Variants in GRAP observed in about 807,000 individuals in gnomAD.
The protein encoded by GRAP is GRB2-related adapter protein.
GRAP carries 2 observed loss-of-function variants against 9.1 expected under a neutral mutation model. The observed-to-expected ratio is 0.22, with a 90% CI of 0.09 to 0.69. The LOEUF is 0.69. Ranked by LOEUF, GRAP falls within the 30% of genes least tolerant of loss-of-function variation. GRAP has a pLI of 0.81. For missense variants in GRAP, 113 were observed against 179.4 expected (o/e 0.63, Z 2.12); for synonymous variants, 68 against 73.6 (o/e 0.92, Z 0.39).
intron 3 of GRAP, chr17:19,030,291 G>A: frequency 2.5e-6 from 1 of 401,796 alleles, no homozygotes; most frequent in Non-Finnish European, 4.6e-6. Context: ...AGCCCAGAGA[G>A]GAAAAACAAG....
Position 19,021,954 on chromosome 17 carries a change from G to A in GRAP, c.*5C>T. 1 of 1,519,754 alleles carries A rather than the reference G, an allele frequency of 6.6e-7. No homozygotes were observed. Among genetic ancestry groups the A allele is most frequent in the Non-Finnish European group, 8.8e-7 (1 of 1,135,082 alleles). The allele number at this position is 1,519,754 out of a possible 1,614,324, so 94.1% of individuals were successfully genotyped here. ...GCCCGTTGGCCAGATCGGCCGCCGG[G>A]CTGCTCACAGGTGCACGGGCTGCAC... On this transcript the variant is annotated 3_prime_UTR_variant, in exon 5 of 5. Transcript: ENST00000284154. This position sits in a 1 kb window ranked among gnomAD's most constrained non-coding sequence, Gnocchi z 4.1.
chr17:19,021,876 T>C lies in GRAP; in HGVS notation c.*83A>G, dbSNP rs530187066. 91 of 1,362,432 alleles carry C rather than the reference T, an allele frequency of 6.7e-5. 1 individual carries two copies. The Admixed American group carries it at 8.9e-4, about 13-fold the overall frequency. 84.4% of individuals were successfully genotyped at this position (1,362,432 alleles called of 1,614,324 possible). A position where few individuals can be genotyped will look rare whatever the true frequency, so the allele number is the denominator to read the frequency against. ...CCGTCCACTGAGCCCCGTGTGACTC[T>C]GACAGAGCTGGGGGTGTCCATGTCC... On this transcript the variant is annotated 3_prime_UTR_variant, in exon 5 of 5. Coordinates refer to ENST00000284154, the MANE Select transcript of GRAP (RefSeq NM_006613.4). The surrounding 1 kb of genome is among the most constrained non-coding windows in gnomAD (Gnocchi z 4.1).
chr17:19,023,781 C>G (rs1305164680), intron 4 of GRAP, among the ~76,000 whole-genome samples: 2 of 151,934 alleles, frequency 1.3e-5, no homozygotes, highest in African/African-American at 4.8e-5. Context: ...ACTGCACTCT[C>G]TGAGCCTCGG....
chr17:19,051,022 G>GA (rs1470838700), upstream of GRAP, among the ~76,000 whole-genome samples: 2 of 134,378 alleles, frequency 1.5e-5, no homozygotes, highest in Non-Finnish European at 3.2e-5. Flanking sequence ...CTGGGTGACA[G>GA]AGGGAGACTC....
chr17:19,025,430 G>A (rs1259221613), intron 3 of GRAP, among the ~76,000 whole-genome samples: 1 of 143,658 alleles, frequency 7.0e-6, no homozygotes, highest in Non-Finnish European at 1.5e-5. Flanking sequence ...CTGACCTTGT[G>A]ATCCACCCTC....
In GRAP at chr17:19,021,878, A is replaced by T; in HGVS notation, c.*81T>A. ...GTCCACTGAGCCCCGTGTGACTCTG[A>T]CAGAGCTGGGGGTGTCCATGTCCTC... On this transcript the variant is annotated 3_prime_UTR_variant, in exon 5 of 5. Coordinates refer to ENST00000284154, the MANE Select transcript of GRAP (RefSeq NM_006613.4). The surrounding 1 kb of genome is among the most constrained non-coding windows in gnomAD (Gnocchi z 4.1). 7 of 1,365,128 alleles carry T rather than the reference A, an allele frequency of 5.1e-6. No homozygotes were observed. Among genetic ancestry groups the T allele is most frequent in the Non-Finnish European group, 6.7e-6 (7 of 1,047,072 alleles). The allele number at this position is 1,365,128 out of a possible 1,614,324, so 84.6% of individuals were successfully genotyped here.
Position 19,024,315 on chromosome 17 carries a change from T to C in GRAP, c.368A>G (p.Glu123Gly), listed in dbSNP as rs754633961. Reference sequence around the variant, plus strand: ...CAGCTCGTTGAGGGAGTTGAACTTCTCCTCCCACAGGAAGTACTTCCCCGA... The same window carrying C: ...CAGCTCGTTGAGGGAGTTGAACTTCCCCTCCCACAGGAAGTACTTCCCCGA... ...EASGKYFLWE[E>G]KFNSLNELVD... Residue 123 changes from glutamate to glycine, a missense_variant, in exon 4 of 5, where the codon GAG becomes GGG. Coordinates refer to ENST00000284154, the MANE Select transcript of GRAP (RefSeq NM_006613.4). This position sits in a 1 kb window ranked among gnomAD's most constrained non-coding sequence, Gnocchi z 4.2. 6.2e-7 allele frequency: 1 copy of C among 1,611,270 alleles called. No individual in the cohort carries two copies. The highest frequency in any genetic ancestry group is 8.5e-7 in the Non-Finnish European group (1 of 1,178,926).
At chr17:19,025,609 CTTTTCTTTTTTT>C (rs973276188) in intron 3 of GRAP, among the ~76,000 whole-genome samples, 35 of 131,328 alleles carry the variant, frequency 2.7e-4, no homozygotes, top group South Asian at 1.2e-3. Context: ...TTTCTTTTTT[CTTTTCTTTTTTT>C]TTTTTTTTTG....
intron 4 of GRAP, 168 bp from the exon 5 acceptor site, chr17:19,022,312 T>G (rs1445484048): frequency 4.2e-6 from 2 of 478,054 alleles, no homozygotes; most frequent in Non-Finnish European, 7.6e-6. Flanking sequence ...CTGGGCCTCC[T>G]GCTGCCCACA....
rs775710004 is a variant in GRAP at position 19,024,270 on chromosome 17, G to T, written c.413C>A (p.Thr138Asn). The change falls in exon 4 of 5, where the codon ACC (threonine) becomes AAC (asparagine). Residue 138 changes from threonine to asparagine, a missense_variant. Transcript: ENST00000284154. This position sits in a 1 kb window ranked among gnomAD's most constrained non-coding sequence, Gnocchi z 4.2. ...LNELVDFYRT[T>N]TIAKKRQIFL... ...GATCTGCCGCTTCTTGGCGATGGTG[G>T]TGGTGCGGTAGAAGTCGACCAGCTC... 1 of 1,606,640 alleles carries T rather than the reference G, an allele frequency of 6.2e-7. No homozygotes were observed. Among genetic ancestry groups the T allele is most frequent in the Non-Finnish European group, 8.5e-7 (1 of 1,176,506 alleles).
At chr17:19,030,310 G>T (rs2044331089) in intron 3 of GRAP, 2 of 364,040 alleles carry the variant, frequency 5.5e-6, no homozygotes, top group African/African-American at 3.1e-5. Context: ...AGGCTGGGGT[G>T]GGGGCAGGAG....
chr17:19,022,378 C>T (rs957715790), intron 4 of GRAP: 35 of 394,750 alleles, frequency 8.9e-5, no homozygotes, highest in African/African-American at 1.2e-4. Flanking sequence ...GCTTTCCCAG[C>T]CGCCCAGCTG....
At chr17:19,022,362 A>C in intron 4 of GRAP, 1 of 407,992 alleles carries the variant, frequency 2.5e-6, no homozygotes, top group Non-Finnish European at 4.4e-6. Context: ...ATCTACATAG[A>C]ACACGGCTTT....
chr17:19,030,459 G>A (rs1397008539), intron 3 of GRAP: 4 of 125,648 alleles, frequency 3.2e-5, no homozygotes, highest in Non-Finnish European at 6.2e-5. Context: ...AAAAGGAGGG[G>A]TGGAACAACC....
intron 2 of GRAP, among the ~76,000 whole-genome samples, chr17:19,041,587 TTC>T: frequency 9.2e-6 from 1 of 108,948 alleles, no homozygotes; most frequent in African/African-American, 2.8e-5. Flanking sequence ...CTCCTGGACA[TTC>T]TCCAGTGGCT....
At position 19,024,387 on chromosome 17, in the gene GRAP, G is replaced by A; in HGVS notation, c.300-4C>T. ...GTGCTGCACCTGGTCTCCATAGCTA[G>A]GGGAAAGGACCCGGGGCCACCTCAG... On this transcript the variant is annotated splice_polypyrimidine_tract_variant and splice_region_variant and intron_variant, in intron 3 of 4. Transcript: ENST00000284154. The surrounding 1 kb of genome is among the most constrained non-coding windows in gnomAD (Gnocchi z 4.2). 1 of 1,609,974 alleles carries A rather than the reference G, an allele frequency of 6.2e-7. No homozygotes were observed. Among genetic ancestry groups the A allele is most frequent in the Non-Finnish European group, 8.5e-7 (1 of 1,178,638 alleles).
chr17:19,024,269 G>T lies in GRAP; in HGVS notation c.414C>A (p.Thr138=). Residue 138 remains threonine, a synonymous_variant, in exon 4 of 5, where the codon ACC becomes ACA. Transcript: ENST00000284154. The surrounding 1 kb of genome is among the most constrained non-coding windows in gnomAD (Gnocchi z 4.2). ...AGATCTGCCGCTTCTTGGCGATGGTGGTGGTGCGGTAGAAGTCGACCAGCT... is the reference window on the plus strand; with the variant it reads ...AGATCTGCCGCTTCTTGGCGATGGTTGTGGTGCGGTAGAAGTCGACCAGCT... ...LNELVDFYRT[T]TIAKKRQIFL... The T allele has an allele frequency of 6.2e-7, 1 of 1,606,320 alleles. No individual in the cohort carries two copies. The highest frequency in any genetic ancestry group is 8.5e-7 in the Non-Finnish European group (1 of 1,176,374).
At chr17:19,050,815 C>T (rs1267686307), upstream of GRAP, among the ~76,000 whole-genome samples, 1 of 152,072 alleles carries the variant, frequency 6.6e-6, no homozygotes, top group African/African-American at 2.4e-5. Flanking sequence ...CAGAGTTTTG[C>T]TTTTGTTGCC....
chr17:19,022,466 T>G, intron 4 of GRAP: 1 of 298,728 alleles, frequency 3.3e-6, no homozygotes, highest in South Asian at 1.6e-4. Context: ...CTGCTTCTCT[T>G]GGGATCTTAT....
Sources: allele counts gnomAD v4.1 joint callset (sites outside exome capture counted in the v4.1 genomes callset), GRCh38; gene constraint gnomAD v4.1.1; non-coding constraint Gnocchi (gnomAD v3.1); transcripts MANE v1.5; gene names NCBI Gene and HGNC (gene_info 2026-07-23, HGNC 2026-07-21).